LPP: variants seen among roughly 807,000 people sequenced by gnomAD.
The protein encoded by LPP is LIM domain containing preferred translocation partner in lipoma, also known as lipoma-preferred partner.
In LPP, 38 loss-of-function variants were observed where a neutral mutation model predicts 60.4. That is an observed-to-expected ratio of 0.63 (90% CI 0.49 to 0.83). LPP has a LOEUF of 0.83. LPP is among the 40% of genes least tolerant of loss of function. LPP has a pLI of 0.00. For synonymous variants in LPP, 328 were observed against 290.8 expected (o/e 1.13, Z -1.30); for missense variants, 902 against 783.6 (o/e 1.15, Z -1.80).
chr3:188,836,950 A>G (rs374159162), intron 9 of LPP, among the ~76,000 whole-genome samples: 1 of 152,228 alleles, frequency 6.6e-6, no homozygotes, highest in Non-Finnish European at 1.5e-5. Context: ...GCAAGCTGAC[A>G]TATTTGCCTC....
chr3:188,329,757 G>T (rs1278104591), intron 2 of LPP, among the ~76,000 whole-genome samples: 21 of 152,030 alleles, frequency 1.4e-4, no homozygotes. Flanking sequence ...TGTTGTATTT[G>T]CCAAGACACA....
chr3:188,620,644 G>C (rs1411385614), intron 7 of LPP, among the ~76,000 whole-genome samples: 1 of 152,074 alleles, frequency 6.6e-6, no homozygotes, highest in African/African-American at 2.4e-5. Flanking sequence ...TATGTTTTCA[G>C]TTTTCTTGGG....
At chr3:188,685,253 A>C (rs1860447500) in intron 7 of LPP, among the ~76,000 whole-genome samples, 1 of 152,164 alleles carries the variant, frequency 6.6e-6, no homozygotes, top group Non-Finnish European at 1.5e-5. Flanking sequence ...ATTAATGAAC[A>C]AGATATCTGA....
At chr3:188,731,599 T>A (rs1343935678) in intron 8 of LPP, among the ~76,000 whole-genome samples, 1 of 147,842 alleles carries the variant, frequency 6.8e-6, no homozygotes, top group Non-Finnish European at 1.5e-5. Context: ...CTCGGCTCAC[T>A]GCAACCTCCG....
chr3:188,235,285 T>C (rs1362747126), intron 2 of LPP, among the ~76,000 whole-genome samples: 3 of 152,158 alleles, frequency 2.0e-5, no homozygotes, highest in African/African-American at 7.2e-5. Flanking sequence ...AGTGTGAGAA[T>C]GTTGATGTTT....
chr3:188,438,089 A>G (rs971289959), intron 4 of LPP, among the ~76,000 whole-genome samples: 2 of 152,136 alleles, frequency 1.3e-5, no homozygotes, highest in Admixed American at 6.5e-5. Context: ...TTGTGGCCCA[A>G]CTAGACTGCC....
At chr3:188,563,507 A>C (rs1282527943) in intron 6 of LPP, among the ~76,000 whole-genome samples, 1 of 100,018 alleles carries the variant, frequency 1.0e-5, no homozygotes, top group Non-Finnish European at 2.2e-5. Context: ...TATTTTTTTC[A>C]GTTCTTTTCC....
intron 3 of LPP, among the ~76,000 whole-genome samples, chr3:188,361,598 G>A (rs761391041): frequency 8.1e-6 from 1 of 123,070 alleles, no homozygotes; most frequent in Admixed American, 1.2e-4. Flanking sequence ...CCTTTCTCTC[G>A]CTCTGTTGCT....
chr3:188,470,176 T>C (rs1801453033), intron 4 of LPP, among the ~76,000 whole-genome samples: 1 of 151,930 alleles, frequency 6.6e-6, no homozygotes, highest in African/African-American at 2.4e-5. Context: ...TATATGTAAG[T>C]TACCTAACTG....
intron 7 of LPP, among the ~76,000 whole-genome samples, chr3:188,707,974 A>G (rs775985184): frequency 2.6e-5 from 4 of 152,256 alleles, no homozygotes; most frequent in Admixed American, 2.0e-4. Flanking sequence ...TCATAAATGT[A>G]TAACAGCAAA....
Position 188,881,255 on chromosome 3 carries a change from C to A in LPP, c.*6776C>A, listed in dbSNP as rs371999395. 3 of 186,470 alleles carry A rather than the reference C, an allele frequency of 1.6e-5. No individual in the cohort carries two copies. Among genetic ancestry groups the A allele is most frequent in the African/African-American group, 2.3e-5 (1 of 42,724 alleles). The allele number at this position is 186,470 out of a possible 1,614,324, so 11.6% of individuals were successfully genotyped here. A position where few individuals can be genotyped will look rare whatever the true frequency, so the allele number is the denominator to read the frequency against. On this transcript the variant is annotated 3_prime_UTR_variant, in exon 12 of 12. Transcript: ENST00000617246. ...CTTAGTCCTGGCCAGTATGTAGTTG[C>A]GCTCACATACGTCTATTCTAGCTCT...
At chr3:188,751,967 G>C (rs1259892287) in intron 8 of LPP, among the ~76,000 whole-genome samples, 1 of 152,148 alleles carries the variant, frequency 6.6e-6, no homozygotes, top group African/African-American at 2.4e-5. Context: ...CTGCCTCAGA[G>C]ACATAGGGAC....
In LPP at chr3:188,742,888, G is replaced by A. The variant is rs1390538618; in HGVS notation, c.1241-17225G>A. Among the ~76,000 whole-genome samples the A allele has an allele frequency of 2.0e-5, 3 of 152,128 alleles. No individual in the cohort carries two copies. The South Asian group carries it at 6.2e-4, about 31-fold the overall frequency. On this transcript the variant is annotated intron_variant, in intron 8 of 11. Transcript: ENST00000617246. Reference sequence around the variant, plus strand: ...TTTTTCACCAATTGGTTTGAAATTCGGCCAAGGCATATTTGAGCGAGGGCT... The same window carrying A: ...TTTTTCACCAATTGGTTTGAAATTCAGCCAAGGCATATTTGAGCGAGGGCT...
intron 4 of LPP, among the ~76,000 whole-genome samples, chr3:188,429,722 G>C (rs1022061481): frequency 3.3e-5 from 5 of 152,040 alleles, no homozygotes; most frequent in African/African-American, 1.2e-4. Flanking sequence ...TTCTTTAAGC[G>C]GAATAGTTCC....
chr3:188,187,475 A>T lies in LPP; in HGVS notation c.-190+33223A>T, dbSNP rs543586142. Reference sequence around the variant, plus strand: ...AGATAATAAATAAGCTTCTTATTATAATTTCTTCTTATTTCTTAAAATTTT... The same window carrying T: ...AGATAATAAATAAGCTTCTTATTATTATTTCTTCTTATTTCTTAAAATTTT... On this transcript the variant is annotated intron_variant, in intron 1 of 11. Transcript: ENST00000617246. Among the ~76,000 whole-genome samples, 38 of 151,958 alleles carry T rather than the reference A, an allele frequency of 2.5e-4. 1 individual carries two copies. In the South Asian group the frequency reaches 7.9e-3, roughly 32 times the overall value.
chr3:188,273,848 G>A (rs1017480802), intron 2 of LPP, among the ~76,000 whole-genome samples: 5 of 151,754 alleles, frequency 3.3e-5, no homozygotes, highest in South Asian at 2.1e-4. Flanking sequence ...CACCTGCCTC[G>A]GCCTCCCAAA....
chr3:188,241,891 G>C (rs1443720784), intron 2 of LPP, among the ~76,000 whole-genome samples: 1 of 152,120 alleles, frequency 6.6e-6, no homozygotes, highest in Admixed American at 6.5e-5. Flanking sequence ...ATGAATTTCT[G>C]ACTTCCAGCT....
At chr3:188,734,242 A>AT (rs1721699528) in intron 8 of LPP, among the ~76,000 whole-genome samples, 1 of 152,194 alleles carries the variant, frequency 6.6e-6, no homozygotes, top group Non-Finnish European at 1.5e-5. Context: ...AAGGTGTTAT[A>AT]ATTCAGTCAT....
At chr3:188,276,669 GTCTCTCTCTCTCTCTCTCTCTCTCTTTC>G (rs1319045190) in intron 2 of LPP, among the ~76,000 whole-genome samples, 3,108 of 100,022 alleles carry the variant, frequency 0.031, 50 homozygotes, top group Middle Eastern at 0.062. Flanking sequence ...CTCCAACTCT[GTCTCTCTCTCTCTCTCTCTCTCTCTTTC>G]TCTCTCTCTC....
Sources: gnomAD v4.1 joint callset for allele counts (sites outside exome capture counted in the v4.1 genomes callset) on GRCh38, gnomAD v4.1.1 for gene constraint, MANE v1.5 for transcripts, NCBI Gene and HGNC (gene_info 2026-07-23, HGNC 2026-07-21) for gene names.